The following PCDHA11 variants were observed in gnomAD, a reference collection of about 807,000 sequenced individuals.
PCDHA11 encodes protocadherin alpha-11.
In PCDHA11, 61 loss-of-function variants were observed where a neutral mutation model predicts 70.3. The observed-to-expected ratio is 0.87, with a 90% CI of 0.71 to 1.07. The LOEUF (loss-of-function observed/expected upper bound fraction) is 1.07. PCDHA11 is among the 50% of genes least tolerant of loss of function. The pLI is 0.00. For synonymous variants in PCDHA11, 633 were observed against 555.1 expected, an observed-to-expected ratio of 1.14 and a Z score of -1.97; for missense variants, 1,324 against 1,237.5, an observed-to-expected ratio of 1.07 and a Z score of -1.05.
intron 1 of PCDHA11, among the ~76,000 whole-genome samples, chr5:140,920,853 A>C (rs375783359): frequency 1.3e-5 from 2 of 152,062 alleles, no homozygotes; most frequent in African/African-American, 4.8e-5. Flanking sequence ...AAAAAAAAAA[A>C]AAAAACAAAC....
chr5:140,882,032 T>C (rs2058914811), intron 1 of PCDHA11: 2 of 623,536 alleles, frequency 3.2e-6, no homozygotes, highest in Non-Finnish European at 5.1e-6. Flanking sequence ...ATGGAAAATA[T>C]GAAGACTGAG....
chr5:141,010,074 G>T lies in PCDHA11; in HGVS notation c.*137G>T, dbSNP rs1444826216. The stretch of plus-strand genomic sequence containing the variant: ...CTCAGAAATCTGCAGAAAGTTCCCT[G>T]TGTCTGTCTAGAACGCATTTAACAG... On this transcript the variant is annotated 3_prime_UTR_variant, in exon 4 of 4. Coordinates refer to ENST00000398640, the MANE Select transcript of PCDHA11 (RefSeq NM_018902.5). 6.8e-6 allele frequency: 11 copies of T among 1,607,726 alleles called. No individual in the cohort carries two copies. Among genetic ancestry groups the T allele is most frequent in the Non-Finnish European group, 9.3e-6 (11 of 1,176,762 alleles).
intron 1 of PCDHA11, among the ~76,000 whole-genome samples, chr5:140,931,965 CAT>C (rs1195736359): frequency 6.6e-6 from 1 of 151,852 alleles, no homozygotes; most frequent in African/African-American, 2.4e-5. Context: ...CATGTTGATG[CAT>C]ATGTGTTTAT....
intron 1 of PCDHA11, among the ~76,000 whole-genome samples, chr5:140,924,916 T>A (rs551375956): frequency 7.0e-4 from 85 of 122,004 alleles, no homozygotes; most frequent in East Asian, 2.6e-3. Context: ...TAAAATAAAA[T>A]AAAATAAAAT....
In PCDHA11 at chr5:141,011,833, C is replaced by T. The variant is rs1223674434; in HGVS notation, c.*1896C>T. 6.5e-6 allele frequency: 1 copy of T among 153,366 alleles called. No individual in the cohort carries two copies. Among genetic ancestry groups the T allele is most frequent in the Non-Finnish European group, 1.5e-5 (1 of 67,994 alleles). 9.5% of individuals were successfully genotyped at this position (153,366 alleles called of 1,614,324 possible). On this transcript the variant is annotated 3_prime_UTR_variant, in exon 4 of 4. Transcript: ENST00000398640. ...TAGAAAGTAACAAAATTTGCTGTCA[C>T]CTTAAATAAGACATTTTAATTTTGT...
At chr5:140,904,570 G>T (rs1377408350) in intron 1 of PCDHA11, among the ~76,000 whole-genome samples, 1 of 151,378 alleles carries the variant, frequency 6.6e-6, no homozygotes, top group African/African-American at 2.4e-5. Context: ...TTTTCCTCTG[G>T]GTAGACACCC....
intron 3 of PCDHA11, among the ~76,000 whole-genome samples, chr5:141,002,021 C>A (rs1177146388): frequency 2.6e-5 from 4 of 152,184 alleles, no homozygotes; most frequent in Admixed American, 6.5e-5. Flanking sequence ...GCACAGCCTT[C>A]GGTGCCCTGA....
chr5:140,874,953 G>C (rs2055192015), intron 1 of PCDHA11, among the ~76,000 whole-genome samples: 1 of 152,212 alleles, frequency 6.6e-6, no homozygotes, highest in Admixed American at 6.5e-5. Flanking sequence ...GGAATTGTAA[G>C]CTATATAAGG....
intron 3 of PCDHA11, among the ~76,000 whole-genome samples, chr5:141,001,278 C>A (rs182360019): frequency 6.6e-6 from 1 of 152,050 alleles, no homozygotes; most frequent in Non-Finnish European, 1.5e-5. Flanking sequence ...ACTTTTTTTA[C>A]GGATGAAAAC....
intron 2 of PCDHA11, among the ~76,000 whole-genome samples, chr5:140,979,726 G>A (rs2096861839): frequency 1.3e-5 from 2 of 152,072 alleles, no homozygotes; most frequent in African/African-American, 4.8e-5. Context: ...CATGCCATGG[G>A]GCCAAATAAA....
chr5:140,875,252 C>T, intron 1 of PCDHA11: 1 of 1,041,204 alleles, frequency 9.6e-7, no homozygotes, highest in East Asian at 2.7e-5. Context: ...TAATCAGTCA[C>T]ATGATGTCGC....
chr5:140,931,907 G>A (rs573618162), intron 1 of PCDHA11, among the ~76,000 whole-genome samples: 107 of 151,900 alleles, frequency 7.0e-4, no homozygotes, highest in Middle Eastern at 3.5e-3. Context: ...CATTTGAAAA[G>A]CATGACATTT....
At chr5:140,963,120 A>G (rs1210822785) in intron 1 of PCDHA11, among the ~76,000 whole-genome samples, 1 of 152,174 alleles carries the variant, frequency 6.6e-6, no homozygotes, top group African/African-American at 2.4e-5. Context: ...ATAATTAAAG[A>G]GATAATATTA....
At chr5:140,872,539 A>G (rs2053732284) in intron 1 of PCDHA11, among the ~76,000 whole-genome samples, 1 of 152,128 alleles carries the variant, frequency 6.6e-6, no homozygotes, top group Admixed American at 6.5e-5. Flanking sequence ...ACATGAGAGG[A>G]TCCCCTGAAC....
At chr5:140,925,938 T>C (rs1357099773) in intron 1 of PCDHA11, among the ~76,000 whole-genome samples, 1 of 138,492 alleles carries the variant, frequency 7.2e-6, no homozygotes, top group Non-Finnish European at 1.5e-5. Context: ...GTAGAGCCTC[T>C]TGGAGAAGGA....
chr5:140,926,944 G>A, intron 1 of PCDHA11: 1 of 1,588,324 alleles, frequency 6.3e-7, no homozygotes, highest in Non-Finnish European at 8.6e-7. Flanking sequence ...CTGCGGCGCT[G>A]CAGCGGGACA....
At chr5:140,967,102 G>A (rs1279026258) in intron 1 of PCDHA11, 1 of 1,612,978 alleles carries the variant, frequency 6.2e-7, no homozygotes, top group African/African-American at 1.3e-5. Context: ...CGCTGTGTGA[G>A]CAGCGGCCTC....
intron 3 of PCDHA11, 167 bp from the exon 4 acceptor site, chr5:141,009,460 T>C (rs1375350735): frequency 3.2e-6 from 3 of 950,276 alleles, no homozygotes; most frequent in African/African-American, 1.8e-5. Flanking sequence ...ATTAAACAAA[T>C]AAATAAATAA....
intron 1 of PCDHA11, among the ~76,000 whole-genome samples, chr5:140,910,531 C>G (rs2153515118): frequency 6.6e-6 from 1 of 152,310 alleles, no homozygotes; most frequent in Admixed American, 6.5e-5. Flanking sequence ...ACTCCCCTCA[C>G]AAATCTATTT....
Sources: allele counts gnomAD v4.1 joint callset (sites outside exome capture counted in the v4.1 genomes callset), GRCh38; gene constraint gnomAD v4.1.1; transcripts MANE v1.5; gene names NCBI Gene and HGNC (gene_info 2026-07-23, HGNC 2026-07-21).